UNC13A: variants seen among roughly 807,000 people sequenced by gnomAD.
The protein encoded by UNC13A is unc-13 homolog A.
UNC13A carries 61 observed loss-of-function variants against 219.7 expected under a neutral mutation model. The observed-to-expected ratio is 0.28, with a 90% CI of 0.23 to 0.34. The LOEUF (loss-of-function observed/expected upper bound fraction) is 0.34, where lower values mean the gene tolerates loss of function less well. Among genes scored for constraint, UNC13A ranks in the 10% least tolerant of loss-of-function variants. UNC13A has a pLI of 1.00. For synonymous variants in UNC13A, 920 were observed against 884.6 expected, an observed-to-expected ratio of 1.04 and a Z score of -0.71; for missense variants, 1,476 against 2,270.3, an observed-to-expected ratio of 0.65 and a Z score of 7.11.
intron 12 of UNC13A, among the ~76,000 whole-genome samples, chr19:17,650,057 T>C (rs2079314678): frequency 6.6e-6 from 1 of 152,122 alleles, no homozygotes; most frequent in Non-Finnish European, 1.5e-5. Flanking sequence ...AGAGAATACA[T>C]TGCTGTGGTT....
chr19:17,606,816 C>G (rs2076536898), intron 43 of UNC13A, among the ~76,000 whole-genome samples: 2 of 150,376 alleles, frequency 1.3e-5, no homozygotes, highest in Admixed American at 1.3e-4. Context: ...ACACCCCCAG[C>G]CCACCCCTCT....
intron 8 of UNC13A, among the ~76,000 whole-genome samples, chr19:17,659,914 CATTT>C (rs1734153591): frequency 6.6e-6 from 1 of 152,146 alleles, no homozygotes; most frequent in Non-Finnish European, 1.5e-5. Flanking sequence ...TTCATCCATT[CATTT>C]AGACAGGGTC....
Position 17,606,174 on chromosome 19 carries a change from C to T in UNC13A, c.4992G>A (p.Thr1664=), listed in dbSNP as rs1446448921. 11 of 1,571,176 alleles carry T rather than the reference C, an allele frequency of 7.0e-6. No homozygotes were observed. The highest frequency in any genetic ancestry group is 1.9e-5 in the Admixed American group (1 of 54,030). ...PLGRRIHMDD[T]GLTVLRILSQ... ...AGAGGATTCGCAGCACCGTGAGGCCCGTGTCGTCCATGTGGATGCGGCGGC... is the reference window on the plus strand; with the variant it reads ...AGAGGATTCGCAGCACCGTGAGGCCTGTGTCGTCCATGTGGATGCGGCGGC... Residue 1664 remains threonine (T), a synonymous_variant, in exon 44 of 44, where the codon ACG becomes ACA. Coordinates refer to ENST00000519716, the MANE Select transcript of UNC13A (RefSeq NM_001080421.3).
intron 41 of UNC13A, chr19:17,613,721 T>G (rs1424115794): frequency 1.4e-5 from 2 of 146,566 alleles, no homozygotes; most frequent in Non-Finnish European, 3.0e-5. Context: ...TTTTTTTTTT[T>G]TTTCTTTTTT....
chr19:17,658,788 A>T lies in UNC13A; in HGVS notation c.560-519T>A, dbSNP rs553315516. Among the ~76,000 whole-genome samples the T allele has an allele frequency of 3.6e-4, 55 of 152,266 alleles. 1 individual carries two copies. The highest frequency in any genetic ancestry group is 1.3e-3 in the African/African-American group (54 of 41,552). On this transcript the variant is annotated intron_variant, in intron 8 of 43. Coordinates refer to ENST00000519716, the MANE Select transcript of UNC13A (RefSeq NM_001080421.3). The stretch of plus-strand genomic sequence containing the variant: ...TAACAAATATGCAAGAACCAAGAAG[A>T]TGCTGAGACATGGTTCTGTCTTTTT...
chr19:17,643,649 C>T (rs974050319), intron 19 of UNC13A, among the ~76,000 whole-genome samples: 1 of 152,182 alleles, frequency 6.6e-6, no homozygotes, highest in Non-Finnish European at 1.5e-5. Flanking sequence ...TTTGGTGTCT[C>T]TCTTCTGATT....
At chr19:17,667,298 A>G (rs1685582555) in intron 6 of UNC13A, among the ~76,000 whole-genome samples, 1 of 151,770 alleles carries the variant, frequency 6.6e-6, no homozygotes, top group Admixed American at 6.6e-5. Context: ...TGGGGACTCC[A>G]GAAGGGAGGA....
chr19:17,662,692 A>G (rs1325606944), intron 8 of UNC13A, among the ~76,000 whole-genome samples: 2 of 152,078 alleles, frequency 1.3e-5, no homozygotes, highest in South Asian at 2.1e-4. Flanking sequence ...AGGCCAAGGC[A>G]GGTGGATCAC....
chr19:17,623,617 C>T (rs540375138), intron 35 of UNC13A, 70 bp from the exon 36 acceptor site: 2 of 839,686 alleles, frequency 2.4e-6, no homozygotes, highest in African/African-American at 1.8e-5. Flanking sequence ...CCCGGGAAGG[C>T]CAGGGAGGGG....
chr19:17,674,841 C>A lies in UNC13A; in HGVS notation c.53-85G>T. 1 of 1,213,604 alleles carries A rather than the reference C, an allele frequency of 8.2e-7. No individual in the cohort carries two copies. Among genetic ancestry groups the A allele is most frequent in the East Asian group, 2.4e-5 (1 of 42,398 alleles). 75.2% of individuals were successfully genotyped at this position (1,213,604 alleles called of 1,614,324 possible). A position where few individuals can be genotyped will look rare whatever the true frequency, so the allele number is the denominator to read the frequency against. ...CAAGCTCTAGACCATCTGCTGTGAT[C>A]CCCTCAGGAATTTCTGGGCCACTCA... On this transcript the variant is annotated intron_variant, in intron 2 of 43. Coordinates refer to ENST00000519716, the MANE Select transcript of UNC13A (RefSeq NM_001080421.3). This position sits in a 1 kb window ranked among gnomAD's most constrained non-coding sequence, Gnocchi z 5.0.
chr19:17,671,255 C>T (rs2079782489), intron 4 of UNC13A, among the ~76,000 whole-genome samples: 1 of 152,054 alleles, frequency 6.6e-6, no homozygotes. Flanking sequence ...TCAGGGAACA[C>T]ACTATGCAAA....
Position 17,639,444 on chromosome 19 carries a change from G to T in UNC13A, c.2938C>A (p.Arg980=). Residue 980 remains arginine (R), a synonymous_variant, in exon 24 of 44, where the codon CGG becomes AGG. Coordinates refer to ENST00000519716, the MANE Select transcript of UNC13A (RefSeq NM_001080421.3). ...ACTGGATCCTTTCCTACCTTCATCC[G>T]AAAGAAGGTGATGCTGGTGAGAAGG... ...VDLLTSITFF[R]MKVQELQSPP... The T allele has an allele frequency of 9.9e-6, 16 of 1,612,964 alleles. No homozygotes were observed. Among genetic ancestry groups the T allele is most frequent in the Non-Finnish European group, 1.4e-5 (16 of 1,179,580 alleles).
chr19:17,642,750 G>C (rs963516345), intron 20 of UNC13A, 95 bp downstream of exon 20: 1 of 1,071,666 alleles, frequency 9.3e-7, no homozygotes, highest in African/African-American at 1.6e-5. Context: ...AGAGGGCCAG[G>C]AGAGTGTGGA....
At position 17,603,219 on chromosome 19, in the gene UNC13A, A is replaced by AAC. The variant is rs56713202; in HGVS notation, c.*2833_*2834dup. The AAC allele has an allele frequency of 0.26, 39,890 of 151,068 alleles. 5,330 individuals carry two copies. Among genetic ancestry groups the AAC allele is most frequent in the Non-Finnish European group, 0.28 (19,160 of 67,650 alleles). 9.4% of individuals were successfully genotyped at this position (151,068 alleles called of 1,614,324 possible). On this transcript the variant is annotated 3_prime_UTR_variant, in exon 44 of 44. Transcript: ENST00000519716. ...CCTGGGCCATTGCTGGGGAACCCTA[A>AAC]ACACACACACACACACACGGAGGTC...
At position 17,646,086 on chromosome 19, in the gene UNC13A, T is replaced by C. The variant is rs2077023097; in HGVS notation, c.2070A>G (p.Ala690=). The C allele has an allele frequency of 1.2e-6, 2 of 1,613,932 alleles. No individual in the cohort carries two copies. The highest frequency in any genetic ancestry group is 4.5e-5 in the East Asian group (2 of 44,872). The change falls in exon 18 of 44, where the codon GCA becomes GCG. Residue 690 remains alanine, a synonymous_variant. Transcript: ENST00000519716. ...ITVVCAQGLQ[A]KDKTGSSDPY... is the part of the protein sequence containing the mutation. ...GGTCACTGGATCCTGTCTTGTCCTTTGCCTGCAAGCCCTGGGCGCAGACCA... is the reference window on the plus strand; with the variant it reads ...GGTCACTGGATCCTGTCTTGTCCTTCGCCTGCAAGCCCTGGGCGCAGACCA...
chr19:17,656,475 A>C, intron 9 of UNC13A, 77 bp from the exon 10 acceptor site: 1 of 1,365,234 alleles, frequency 7.3e-7, no homozygotes, highest in Non-Finnish European at 9.7e-7. Context: ...ACAGGCATTG[A>C]CTCATCACCG....
In UNC13A at chr19:17,639,711, A is replaced by G; in HGVS notation, c.2856+129T>C. ...CGGCAGGTAGTGCCCATGCAGGTGC[A>G]CACATGCTGGAGGAACACATCGTAC... On this transcript the variant is annotated intron_variant, in intron 23 of 43. Transcript: ENST00000519716. 2.5e-6 allele frequency: 3 copies of G among 1,209,660 alleles called. No individual in the cohort carries two copies. In the South Asian group the frequency reaches 4.1e-5, roughly 17 times the overall value. The allele number at this position is 1,209,660 out of a possible 1,614,324, so 74.9% of individuals were successfully genotyped here. A position where few individuals can be genotyped will look rare whatever the true frequency, so the allele number is the denominator to read the frequency against.
At chr19:17,654,080 G>A (rs2079405119) in intron 11 of UNC13A, among the ~76,000 whole-genome samples, 1 of 151,780 alleles carries the variant, frequency 6.6e-6, no homozygotes, top group Non-Finnish European at 1.5e-5. Flanking sequence ...ACCCACCTCG[G>A]CCTCCCAAAG....
rs746490322 is a variant in UNC13A, at chr19:17,606,222, G to A, written c.4944C>T (p.Ser1648=). 5.2e-6 allele frequency: 8 copies of A among 1,552,024 alleles called. No homozygotes were observed. The Admixed American group carries it at 1.4e-4, about 26-fold the overall frequency. ...LQLRELAQRG[S]AACWLPLGRR... ...GGCCGAGCGGCAGCCAGCAGGCGGC[G>A]CTCCCGCGCTGGGCCAGCTCACGCA... Residue 1648 remains serine (S), a synonymous_variant, in exon 44 of 44, where the codon AGC becomes AGT. Transcript: ENST00000519716.
Sources: gnomAD v4.1 joint callset for allele counts (sites outside exome capture counted in the v4.1 genomes callset) on GRCh38, gnomAD v4.1.1 for gene constraint, Gnocchi (gnomAD v3.1) non-coding constraint, MANE v1.5 for transcripts, NCBI Gene and HGNC (gene_info 2026-07-23, HGNC 2026-07-21) for gene names.